Variants in NUMB observed in about 807,000 individuals in gnomAD.
The protein encoded by NUMB is NUMB endocytic adaptor protein, also known as protein numb homolog.
A neutral mutation model predicts 59.7 loss-of-function variants in NUMB; 29 were observed. The ratio of observed to expected loss-of-function variants is 0.49; its 90% CI spans 0.36 to 0.66. The LOEUF (loss-of-function observed/expected upper bound fraction) is 0.66. Ranked by LOEUF, NUMB falls within the 30% of genes least tolerant of loss-of-function variation. The pLI, the probability that NUMB is intolerant of heterozygous loss-of-function variation, is 0.00. For missense variants in NUMB, 723 were observed against 822.0 expected, an observed-to-expected ratio of 0.88 and a Z score of 1.47; for synonymous variants, 288 against 288.2, an observed-to-expected ratio of 1.00 and a Z score of 0.01.
At chr14:73,287,681 A>G (rs888956365) in intron 8 of NUMB, among the ~76,000 whole-genome samples, 1 of 152,130 alleles carries the variant, frequency 6.6e-6, no homozygotes, top group African/African-American at 2.4e-5. Context: ...CTCGGCCCAA[A>G]TGTCTGTTTT....
At chr14:73,409,653 G>C (rs1281432469) in intron 2 of NUMB, 1 of 152,166 alleles carries the variant, frequency 6.6e-6, no homozygotes, top group Non-Finnish European at 1.5e-5. Context: ...TTGTTACACA[G>C]CAATAGATAA....
intron 1 of NUMB, among the ~76,000 whole-genome samples, chr14:73,437,406 TAAG>T (rs1330469326): frequency 1.3e-5 from 2 of 152,182 alleles, no homozygotes; most frequent in Non-Finnish European, 2.9e-5. Context: ...ATTACTCATG[TAAG>T]AAGAGACTGG....
intron 2 of NUMB, among the ~76,000 whole-genome samples, chr14:73,379,441 T>G (rs1289257445): frequency 2.0e-5 from 3 of 152,192 alleles, no homozygotes; most frequent in Non-Finnish European, 4.4e-5. Context: ...TCACGGTAGT[T>G]GCACTTTATT....
chr14:73,368,620 G>A (rs1894507098), intron 2 of NUMB, among the ~76,000 whole-genome samples: 1 of 151,850 alleles, frequency 6.6e-6, no homozygotes, highest in South Asian at 2.1e-4. Flanking sequence ...AAGAAACACA[G>A]CAATTGGGAT....
At chr14:73,298,715 C>T (rs1173920184) in intron 6 of NUMB, 2 of 152,168 alleles carry the variant, frequency 1.3e-5, no homozygotes, top group South Asian at 2.1e-4. Context: ...TTAGAACTAC[C>T]ATTCTCCTCT....
intron 2 of NUMB, among the ~76,000 whole-genome samples, chr14:73,372,474 TAC>T (rs1261497828): frequency 5.7e-4 from 84 of 148,250 alleles, no homozygotes; most frequent in African/African-American, 5.9e-4. Flanking sequence ...TTTATATTTA[TAC>T]AGATATTTAA....
At chr14:73,299,452 T>C (rs982235956) in intron 6 of NUMB, 2 of 151,984 alleles carry the variant, frequency 1.3e-5, no homozygotes, top group African/African-American at 4.8e-5. Context: ...TTCCAGCCCG[T>C]TGGCCTGCTT....
Position 73,275,785 on chromosome 14 carries a change from T to C in NUMB, c.*793A>G, listed in dbSNP as rs1888111535. On this transcript the variant is annotated 3_prime_UTR_variant, in exon 13 of 13. Transcript: ENST00000555238. ...GTTGCAATGTGCTACTTACAATGAA[T>C]GACTGACAGAAAACAAGCTAGGGAT... The C allele has an allele frequency of 6.6e-6, 1 of 152,630 alleles. No homozygotes were observed. The highest frequency in any genetic ancestry group is 1.5e-5 in the Non-Finnish European group (1 of 68,032). The allele number at this position is 152,630 out of a possible 1,614,324, so 9.5% of individuals were successfully genotyped here.
intron 1 of NUMB, among the ~76,000 whole-genome samples, chr14:73,417,193 T>C (rs903901984): frequency 6.6e-6 from 1 of 152,092 alleles, no homozygotes; most frequent in South Asian, 2.1e-4. Context: ...CTCAAGTCCA[T>C]GTGTGACCTT....
intron 4 of NUMB, among the ~76,000 whole-genome samples, chr14:73,331,913 A>AT (rs1390779564): frequency 6.6e-6 from 1 of 152,154 alleles, no homozygotes; most frequent in Non-Finnish European, 1.5e-5. Context: ...GTATTTCTTC[A>AT]TAGCAGCATG....
chr14:73,349,593 AG>A (rs1893097690), intron 4 of NUMB, among the ~76,000 whole-genome samples: 1 of 121,100 alleles, frequency 8.3e-6, no homozygotes, highest in African/African-American at 3.1e-5. Context: ...AAAAAAAAAA[AG>A]GGTGGCCAGG....
chr14:73,328,436 T>C (rs910704803), intron 4 of NUMB, among the ~76,000 whole-genome samples: 1 of 152,132 alleles, frequency 6.6e-6, no homozygotes, highest in African/African-American at 2.4e-5. Context: ...AGCCATACTA[T>C]TCCTTTATAG....
intron 9 of NUMB, among the ~76,000 whole-genome samples, chr14:73,285,904 C>A (rs540699128): frequency 1.0e-3 from 143 of 142,416 alleles, no homozygotes; most frequent in African/African-American, 3.6e-3. Flanking sequence ...CCAGCCTGGG[C>A]AACAGAACTA....
chr14:73,394,136 G>C lies in NUMB; in HGVS notation c.-101+15801C>G, dbSNP rs368791949. ...ATGCCCCTTTAATTTTCTATTTTTA[G>C]TAGAGACAGAGTTTCACCATGTTGG... On this transcript the variant is annotated intron_variant, in intron 2 of 12. Coordinates refer to ENST00000555238, the MANE Select transcript of NUMB (RefSeq NM_001005743.2). Among the ~76,000 whole-genome samples, 47 of 152,070 alleles carry C rather than the reference G, an allele frequency of 3.1e-4. No homozygotes were observed. In the South Asian group the frequency reaches 6.8e-3, roughly 22 times the overall value.
chr14:73,423,478 T>A (rs917906097), intron 1 of NUMB, among the ~76,000 whole-genome samples: 3 of 151,778 alleles, frequency 2.0e-5, no homozygotes, highest in African/African-American at 7.3e-5. Context: ...CCATCTCTAC[T>A]AAAAAATACA....
intron 8 of NUMB, among the ~76,000 whole-genome samples, chr14:73,290,666 C>T (rs148991452): frequency 9.2e-5 from 14 of 152,306 alleles, no homozygotes; most frequent in Non-Finnish European, 1.8e-4. Context: ...TATTCTGTCT[C>T]GACACTTGCT....
intron 2 of NUMB, among the ~76,000 whole-genome samples, chr14:73,372,518 A>G (rs900019864): frequency 2.7e-5 from 4 of 149,744 alleles, no homozygotes; most frequent in Non-Finnish European, 5.9e-5. Flanking sequence ...TATTGCATAG[A>G]TATGAATAGA....
At chr14:73,370,621 G>A (rs1272750081) in intron 2 of NUMB, among the ~76,000 whole-genome samples, 1 of 152,104 alleles carries the variant, frequency 6.6e-6, no homozygotes, top group African/African-American at 2.4e-5. Flanking sequence ...GAACCCAGGA[G>A]GCGGAGGTTG....
At chr14:73,447,519 T>C (rs1245458556) in intron 1 of NUMB, among the ~76,000 whole-genome samples, 2 of 151,332 alleles carry the variant, frequency 1.3e-5, no homozygotes, top group East Asian at 3.9e-4. Context: ...AAAATTAGTC[T>C]AGAGTATTAC....
Sources: gnomAD v4.1 joint callset for allele counts (sites outside exome capture counted in the v4.1 genomes callset) on GRCh38, gnomAD v4.1.1 for gene constraint, MANE v1.5 for transcripts, NCBI Gene and HGNC (gene_info 2026-07-23, HGNC 2026-07-21) for gene names.